VAMP7: variants seen among roughly 807,000 people sequenced by gnomAD.
VAMP7 encodes vesicle associated membrane protein 7, also known as vesicle-associated membrane protein 7.
A neutral mutation model predicts 29.6 loss-of-function variants in VAMP7; 14 were observed. The ratio of observed to expected loss-of-function variants is 0.47; its 90% CI spans 0.31 to 0.74. The LOEUF (loss-of-function observed/expected upper bound fraction) is 0.74. VAMP7 is among the 30% of genes least tolerant of loss of function. VAMP7 has a pLI of 0.05. For missense variants in VAMP7, 223 were observed against 262.4 expected, an observed-to-expected ratio of 0.85 and a Z score of 1.04; for synonymous variants, 95 against 88.1, an observed-to-expected ratio of 1.08 and a Z score of -0.44.
intron 7 of VAMP7, 57 bp downstream of exon 7, chrX:155,939,850 T>A (rs1469579514): frequency 7.5e-7 from 1 of 1,339,678 alleles, no homozygotes; most frequent in Non-Finnish European, 1.1e-6. Flanking sequence ...AGAAATTAGG[T>A]ACTAGAATTA....
At chrX:155,916,072 G>T (rs181947009) in intron 5 of VAMP7, among the ~76,000 whole-genome samples, 63 of 152,230 alleles carry the variant, frequency 4.1e-4, no homozygotes, top group Non-Finnish European at 5.0e-4. Context: ...AGGATAGTTA[G>T]CTCTTCTTGT....
At chrX:155,923,619 A>G (rs1215990205) in intron 6 of VAMP7, among the ~76,000 whole-genome samples, 3 of 151,334 alleles carry the variant, frequency 2.0e-5, no homozygotes, top group Admixed American at 2.0e-4. Flanking sequence ...TCTCTTTATC[A>G]TTGGTTTTAA....
rs2066372326 is a variant in VAMP7, at chrX:155,919,981, G to C, written c.501+101G>C. ...AATACCTTAAATTCAAATATTTGGT[G>C]GTTTTTTTTTCTTTCTCATTTCCAT... is the stretch of plus-strand genomic sequence containing the variant. On this transcript the variant is annotated intron_variant, in intron 6 of 7. Transcript: ENST00000286448. The C allele has an allele frequency of 7.0e-6, 7 of 995,580 alleles. No homozygotes were observed. The South Asian group carries it at 9.1e-5, about 13-fold the overall frequency. 61.7% of individuals were successfully genotyped at this position (995,580 alleles called of 1,614,324 possible). A position where few individuals can be genotyped will look rare whatever the true frequency, so the allele number is the denominator to read the frequency against.
chrX:155,942,012 G>T lies in VAMP7; in HGVS notation c.*61G>T. On this transcript the variant is annotated 3_prime_UTR_variant, in exon 8 of 8. Transcript: ENST00000286448. Reference sequence around the variant, plus strand: ...GAACAAGGAGTTAAAAGCAATCCATGTGACTCAAGCCTTTCACATACTGAC... The same window carrying T: ...GAACAAGGAGTTAAAAGCAATCCATTTGACTCAAGCCTTTCACATACTGAC... 1.2e-6 allele frequency: 2 copies of T among 1,613,116 alleles called. No individual in the cohort carries two copies. The highest frequency in any genetic ancestry group is 8.5e-7 in the Non-Finnish European group (1 of 1,179,526).
intron 4 of VAMP7, among the ~76,000 whole-genome samples, chrX:155,900,281 C>T (rs778694223): frequency 6.6e-6 from 1 of 151,808 alleles, no homozygotes; most frequent in East Asian, 1.9e-4. Context: ...AATTTTTAGA[C>T]TACATACTTA....
chrX:155,922,624 T>G (rs1404089008), intron 6 of VAMP7, among the ~76,000 whole-genome samples: 1 of 152,038 alleles, frequency 6.6e-6, no homozygotes, highest in Non-Finnish European at 1.5e-5. Flanking sequence ...GTTCAGGAAT[T>G]TGGCATCTAT....
chrX:155,940,035 A>G (rs1272779053), intron 7 of VAMP7, among the ~76,000 whole-genome samples: 2 of 148,296 alleles, frequency 1.3e-5, no homozygotes, highest in Admixed American at 6.8e-5. Flanking sequence ...AACTGACCTC[A>G]CAGAAATGTA....
intron 5 of VAMP7, among the ~76,000 whole-genome samples, chrX:155,904,629 TTTC>T (rs1230471207): frequency 6.6e-6 from 1 of 151,984 alleles, no homozygotes; most frequent in Non-Finnish European, 1.5e-5. Flanking sequence ...TTAATTCCCT[TTTC>T]TTCTTCATAA....
Position 155,939,809 on chromosome X carries a change from TTTAG to T in VAMP7, c.594+18_594+21del. The stretch of plus-strand genomic sequence containing the variant: ...CGTATCAATTGTAAGTTTTTGTCCT[TTTAG>T]TGTATGGCTTTATTTTTCAATCTCT... On this transcript the variant is annotated intron_variant, in intron 7 of 7. Coordinates refer to ENST00000286448, the MANE Select transcript of VAMP7 (RefSeq NM_005638.6). The T allele has an allele frequency of 6.3e-7, 1 of 1,583,722 alleles. No homozygotes were observed. Among genetic ancestry groups the T allele is most frequent in the South Asian group, 1.1e-5 (1 of 90,384 alleles).
At chrX:155,882,883 G>A (rs144740917) in intron 1 of VAMP7, among the ~76,000 whole-genome samples, 3,039 of 152,276 alleles carry the variant, frequency 0.02, 39 homozygotes, top group Non-Finnish European at 0.033. Context: ...TCTCTTCCAA[G>A]GAGAAATAAT....
chrX:155,916,924 T>C (rs1268730107), intron 5 of VAMP7, among the ~76,000 whole-genome samples: 1 of 152,196 alleles, frequency 6.6e-6, no homozygotes, highest in Non-Finnish European at 1.5e-5. Context: ...TTGGGGAAGT[T>C]CTCCTGGTTA....
chrX:155,937,210 A>G (rs2066673263), intron 6 of VAMP7, among the ~76,000 whole-genome samples: 1 of 151,980 alleles, frequency 6.6e-6, no homozygotes, highest in South Asian at 2.1e-4. Flanking sequence ...TATGGAATCT[A>G]AAAAAAATGT....
intron 6 of VAMP7, among the ~76,000 whole-genome samples, chrX:155,920,383 T>C (rs924418977): frequency 8.5e-5 from 13 of 152,196 alleles, no homozygotes; most frequent in African/African-American, 2.7e-4. Flanking sequence ...GCTTATACTA[T>C]GGTTCCGTAT....
chrX:155,939,092 ACC>A (rs2066705452), intron 6 of VAMP7, among the ~76,000 whole-genome samples: 1 of 152,114 alleles, frequency 6.6e-6, no homozygotes, highest in Non-Finnish European at 1.5e-5. Flanking sequence ...CATCTGTGGG[ACC>A]ATACCAGAGT....
chrX:155,905,006 A>C (rs2066128268), intron 5 of VAMP7, among the ~76,000 whole-genome samples: 1 of 151,524 alleles, frequency 6.6e-6, no homozygotes, highest in East Asian at 1.9e-4. Flanking sequence ...AGAAGGGCCA[A>C]ACTTTCCTAA....
At chrX:155,912,830 T>G (rs185848291) in intron 5 of VAMP7, among the ~76,000 whole-genome samples, 2 of 152,328 alleles carry the variant, frequency 1.3e-5, no homozygotes, top group East Asian at 3.9e-4. Context: ...TACGTGTGCA[T>G]GTGTCTTTAT....
chrX:155,896,233 G>A (rs2124259694), intron 3 of VAMP7, among the ~76,000 whole-genome samples: 1 of 152,276 alleles, frequency 6.6e-6, no homozygotes, highest in South Asian at 2.1e-4. Context: ...TAGAGTTTTA[G>A]CTTAGCCTCT....
At position 155,942,428 on chromosome X, in the gene VAMP7, G is replaced by T; in HGVS notation, c.*477G>T. The T allele has an allele frequency of 2.6e-6, 1 of 384,612 alleles. No homozygotes were observed. Among genetic ancestry groups the T allele is most frequent in the South Asian group, 5.1e-5 (1 of 19,708 alleles). The allele number at this position is 384,612 out of a possible 1,614,324, so 23.8% of individuals were successfully genotyped here. A position where few individuals can be genotyped will look rare whatever the true frequency, so the allele number is the denominator to read the frequency against. On this transcript the variant is annotated 3_prime_UTR_variant, in exon 8 of 8. Transcript: ENST00000286448. Reference sequence around the variant, plus strand: ...TAAATGGATAATAGTTGTTATTTGGGGAATTGTAATGATGTTGGTGCTGCT... The same window carrying T: ...TAAATGGATAATAGTTGTTATTTGGTGAATTGTAATGATGTTGGTGCTGCT...
intron 3 of VAMP7, among the ~76,000 whole-genome samples, chrX:155,896,254 ATATT>A (rs1395436749): frequency 2.0e-5 from 3 of 152,170 alleles, no homozygotes; most frequent in East Asian, 1.9e-4. Context: ...TGCAACTTCT[ATATT>A]TATTCTATTT....
Sources: gnomAD v4.1 joint callset for allele counts (sites outside exome capture counted in the v4.1 genomes callset) on GRCh38, gnomAD v4.1.1 for gene constraint, MANE v1.5 for transcripts, NCBI Gene and HGNC (gene_info 2026-07-23, HGNC 2026-07-21) for gene names.